PCDHGB5: variants seen among roughly 807,000 people sequenced by gnomAD.
The protein encoded by PCDHGB5 is protocadherin gamma-B5.
Under a neutral mutation model 62.9 loss-of-function variants are expected in PCDHGB5, and 48 were observed. The ratio of observed to expected loss-of-function variants is 0.76; its 90% CI spans 0.61 to 0.97. The LOEUF (loss-of-function observed/expected upper bound fraction) is 0.97, where lower values mean the gene tolerates loss of function less well. Ranked by LOEUF, PCDHGB5 falls within the 50% of genes least tolerant of loss-of-function variation. The pLI, the probability that PCDHGB5 is intolerant of heterozygous loss-of-function variation, is 0.00. For missense variants in PCDHGB5, 1,118 were observed against 1,198.6 expected, an observed-to-expected ratio of 0.93 and a Z score of 0.99; for synonymous variants, 474 against 511.2, an observed-to-expected ratio of 0.93 and a Z score of 0.98.
At chr5:141,464,009 T>C (rs1187492781) in intron 1 of PCDHGB5, among the ~76,000 whole-genome samples, 1 of 151,950 alleles carries the variant, frequency 6.6e-6, no homozygotes. Context: ...CTCATGCTTG[T>C]AATCCCACAC....
chr5:141,439,636 G>A (rs114401133), intron 1 of PCDHGB5, among the ~76,000 whole-genome samples: 27 of 152,206 alleles, frequency 1.8e-4, no homozygotes, highest in Non-Finnish European at 2.9e-4. Context: ...CAGACATTCC[G>A]GCTTGGTGGC....
At chr5:141,413,796 G>A in intron 1 of PCDHGB5, 2 of 1,613,190 alleles carry the variant, frequency 1.2e-6, no homozygotes, top group Non-Finnish European at 1.7e-6. Flanking sequence ...TAGATCGCGA[G>A]GAAGAGGCCA....
At chr5:141,497,013 A>G (rs2099773320) in intron 2 of PCDHGB5, among the ~76,000 whole-genome samples, 1 of 151,990 alleles carries the variant, frequency 6.6e-6, no homozygotes, top group Admixed American at 6.6e-5. Context: ...ACATGGTGAA[A>G]CCCCATCTCG....
intron 1 of PCDHGB5, chr5:141,419,601 C>T (rs753678898): frequency 6.2e-7 from 1 of 1,611,818 alleles, no homozygotes; most frequent in South Asian, 1.1e-5. Context: ...GTGCCGCGGG[C>T]CGCGCAGCCA....
intron 1 of PCDHGB5, chr5:141,492,033 C>A: frequency 1.8e-6 from 1 of 548,342 alleles, no homozygotes; most frequent in Non-Finnish European, 3.1e-6. Flanking sequence ...CGGGAGGAGG[C>A]AGTCACAGAT....
intron 1 of PCDHGB5, among the ~76,000 whole-genome samples, chr5:141,455,419 G>A (rs1462099602): frequency 6.6e-6 from 1 of 152,124 alleles, no homozygotes; most frequent in Non-Finnish European, 1.5e-5. Context: ...AGGGAGCGGG[G>A]CTCCAAAAGA....
In PCDHGB5 at chr5:141,400,209, G is replaced by C; in HGVS notation, c.2082G>C (p.Leu694Phe). ...TTTACCTAGTGGTGGCCTTGGCCTT[G>C]ATCTCAGTGCTCTTCCTCCTGGCCG... ...LQFYLVVALALISVLFLLAVI... is the reference protein window; with the variant it reads ...LQFYLVVALAFISVLFLLAVI... Residue 694 changes from leucine (L) to phenylalanine (F), a missense_variant, in exon 1 of 4, where the codon TTG becomes TTC. This residue lies in a region of PCDHGB5 where 1,034 missense variants were observed against 1,029.1 expected (regional missense o/e 1.00). Transcript: ENST00000617380. 5 of 1,614,052 alleles carry C rather than the reference G, an allele frequency of 3.1e-6. No individual in the cohort carries two copies. The highest frequency in any genetic ancestry group is 4.2e-6 in the Non-Finnish European group (5 of 1,179,904).
In PCDHGB5 at chr5:141,403,920, A is replaced by T. The variant is rs1470961343; in HGVS notation, c.2397+3396A>T. 8.1e-6 allele frequency: 13 copies of T among 1,613,904 alleles called. No homozygotes were observed. Among genetic ancestry groups the T allele is most frequent in the Non-Finnish European group, 1.1e-5 (13 of 1,179,882 alleles). On this transcript the variant is annotated intron_variant, in intron 1 of 3. Transcript: ENST00000617380. ...TATGAAATGGAAATACAAGCTGAAG[A>T]TGGTGGGGGATTGAAAGGGTGGACA...
chr5:141,405,394 C>T, intron 1 of PCDHGB5: 4 of 1,593,132 alleles, frequency 2.5e-6, no homozygotes, highest in Non-Finnish European at 3.4e-6. Context: ...CATTTTTTTT[C>T]TTTCTTTCTT....
Position 141,489,463 on chromosome 5 carries a change from T to C in PCDHGB5, c.2398-5344T>C. ...GGGCTCTGAGGAGAATGGGCGCTAT[T>C]TTTCCCTGAGCTTGATGAGTGGTGC... On this transcript the variant is annotated intron_variant, in intron 1 of 3. Transcript: ENST00000617380. This position sits in a 1 kb window ranked among gnomAD's most constrained non-coding sequence, Gnocchi z 4.5. 6.2e-7 allele frequency: 1 copy of C among 1,614,050 alleles called. No individual in the cohort carries two copies. The highest frequency in any genetic ancestry group is 8.5e-7 in the Non-Finnish European group (1 of 1,180,002).
chr5:141,475,914 A>C (rs2099380300), intron 1 of PCDHGB5: 1 of 592,260 alleles, frequency 1.7e-6, no homozygotes, highest in African/African-American at 1.9e-5. Context: ...GCCAATGAAG[A>C]CGCTGGAGAT....
At chr5:141,473,369 G>A (rs888984972) in intron 1 of PCDHGB5, among the ~76,000 whole-genome samples, 1 of 152,200 alleles carries the variant, frequency 6.6e-6, no homozygotes, top group African/African-American at 2.4e-5. Context: ...CACCAAAATA[G>A]CATGGTCCCT....
At chr5:141,460,795 G>A (rs1007673184) in intron 1 of PCDHGB5, among the ~76,000 whole-genome samples, 3 of 151,492 alleles carry the variant, frequency 2.0e-5, no homozygotes, top group African/African-American at 4.9e-5. Flanking sequence ...TACACACAAA[G>A]TATATATATG....
chr5:141,423,119 G>A (rs769320490), intron 1 of PCDHGB5: 1 of 1,613,774 alleles, frequency 6.2e-7, no homozygotes, highest in South Asian at 1.1e-5. Context: ...CGTACAGCGC[G>A]GGCACTGCTG....
chr5:141,484,949 A>C, intron 1 of PCDHGB5: 1 of 557,400 alleles, frequency 1.8e-6, no homozygotes, highest in Non-Finnish European at 3.2e-6. Context: ...TGCTCAGCCT[A>C]TTGGCTGAGC....
chr5:141,462,414 T>C (rs549473269), intron 1 of PCDHGB5, among the ~76,000 whole-genome samples: 1 of 152,360 alleles, frequency 6.6e-6, no homozygotes, highest in Non-Finnish European at 1.5e-5. Flanking sequence ...CAGAATATGG[T>C]CTATCTTGGT....
intron 1 of PCDHGB5, chr5:141,403,237 CTG>C (rs1436614562): frequency 1.2e-6 from 2 of 1,613,942 alleles, no homozygotes; most frequent in Admixed American, 1.7e-5. Flanking sequence ...GGGAGGAGCT[CTG>C]TGCTCAGAGC....
chr5:141,423,573 C>G, intron 1 of PCDHGB5: 1 of 1,613,488 alleles, frequency 6.2e-7, no homozygotes, highest in South Asian at 1.1e-5. Context: ...CGCTCATCAG[C>G]CAGGAGAGCT....
rs149553852 is a variant in PCDHGB5 at position 141,415,009 on chromosome 5, C to G, written c.2397+14485C>G. 3.1e-6 allele frequency: 5 copies of G among 1,613,544 alleles called. No homozygotes were observed. The East Asian group carries it at 1.1e-4, about 36-fold the overall frequency. On this transcript the variant is annotated intron_variant, in intron 1 of 3. Transcript: ENST00000617380. The stretch of plus-strand genomic sequence containing the variant: ...CCAGAACGCCTGGCTGTCCTACCGT[C>G]TGCTCAAGGCCAGCGAGCCGGGACT...
Sources: gnomAD v4.1 joint callset for allele counts (sites outside exome capture counted in the v4.1 genomes callset) on GRCh38, gnomAD v4.1.1 for gene constraint, gnomAD v4.1.1 regional missense constraint, Gnocchi (gnomAD v3.1) non-coding constraint, MANE v1.5 for transcripts, NCBI Gene and HGNC (gene_info 2026-07-23, HGNC 2026-07-21) for gene names.